The following BACH2 variants were observed in gnomAD, a reference collection of about 807,000 sequenced individuals.
BACH2 encodes the protein BACH transcriptional regulator 2.
A neutral mutation model predicts 61.8 loss-of-function variants in BACH2; 5 were observed. That is an observed-to-expected ratio of 0.08 (90% CI 0.04 to 0.17). The LOEUF (loss-of-function observed/expected upper bound fraction) is 0.17, where lower values mean the gene tolerates loss of function less well. Ranked by LOEUF, BACH2 falls within the 10% of genes least tolerant of loss-of-function variation. The pLI, the probability that BACH2 is intolerant of heterozygous loss-of-function variation, is 1.00. For synonymous variants in BACH2, 446 were observed against 440.1 expected, an observed-to-expected ratio of 1.01 and a Z score of -0.17; for missense variants, 824 against 1,091.1, an observed-to-expected ratio of 0.76 and a Z score of 3.45.
chr6:90,265,402 G>GT (rs1771291939), intron 2 of BACH2, among the ~76,000 whole-genome samples: 2 of 152,234 alleles, frequency 1.3e-5, no homozygotes, highest in South Asian at 2.1e-4. Context: ...ACTTTAGGCT[G>GT]TACAAGTATT....
chr6:90,259,513 G>A (rs1170187368), intron 2 of BACH2, among the ~76,000 whole-genome samples: 1 of 152,218 alleles, frequency 6.6e-6, no homozygotes, highest in Non-Finnish European at 1.5e-5. Context: ...ATTCATCAGA[G>A]AAATTGGGTT....
intron 1 of BACH2, among the ~76,000 whole-genome samples, chr6:90,288,877 C>T (rs527824978): frequency 8.9e-4 from 135 of 152,178 alleles, no homozygotes; most frequent in African/African-American, 3.1e-3. Context: ...AAAAACAAAA[C>T]GCAAAAAACA....
chr6:90,057,241 A>G (rs1161425626), intron 5 of BACH2, among the ~76,000 whole-genome samples: 1 of 152,228 alleles, frequency 6.6e-6, no homozygotes, highest in Non-Finnish European at 1.5e-5. Flanking sequence ...CTAATCAAGA[A>G]GAAAAGAGAG....
At chr6:90,089,575 G>A (rs985306008) in intron 4 of BACH2, among the ~76,000 whole-genome samples, 10 of 152,056 alleles carry the variant, frequency 6.6e-5, no homozygotes, top group Non-Finnish European at 1.3e-4. Flanking sequence ...TGCCTCAAAT[G>A]TGTTTCGTTT....
intron 4 of BACH2, among the ~76,000 whole-genome samples, chr6:90,145,268 TA>T (rs1334721911): frequency 7.9e-5 from 12 of 152,158 alleles, no homozygotes; most frequent in South Asian, 2.1e-4. Context: ...TAAGAGCACT[TA>T]AAAAAATCCA....
At chr6:90,175,792 G>A (rs1051018809) in intron 4 of BACH2, among the ~76,000 whole-genome samples, 4 of 152,002 alleles carry the variant, frequency 2.6e-5, no homozygotes, top group Non-Finnish European at 5.9e-5. Context: ...CAAAGAGCCC[G>A]GCTGGTAGCA....
chr6:89,933,398 G>A (rs552514153), intron 8 of BACH2, among the ~76,000 whole-genome samples: 17 of 152,276 alleles, frequency 1.1e-4, no homozygotes, highest in Admixed American at 3.3e-4. Context: ...TTGAACAGGT[G>A]GAGCACAGAG....
At chr6:89,960,680 G>A (rs1774692043) in intron 6 of BACH2, among the ~76,000 whole-genome samples, 1 of 152,176 alleles carries the variant, frequency 6.6e-6, no homozygotes. Context: ...TTTACCACAT[G>A]GGGATTTGGT....
chr6:89,996,144 A>G (rs1434649234), intron 6 of BACH2, among the ~76,000 whole-genome samples: 1 of 152,190 alleles, frequency 6.6e-6, no homozygotes. Context: ...CCTTAGGCAC[A>G]TGTAAAGCAC....
chr6:90,083,174 T>C (rs1781793142), intron 5 of BACH2, among the ~76,000 whole-genome samples: 1 of 152,164 alleles, frequency 6.6e-6, no homozygotes, highest in South Asian at 2.1e-4. Flanking sequence ...AGAGGCATCA[T>C]TTCACTAGTG....
At chr6:90,049,415 G>A (rs1375943977) in intron 5 of BACH2, among the ~76,000 whole-genome samples, 1 of 152,152 alleles carries the variant, frequency 6.6e-6, no homozygotes, top group Non-Finnish European at 1.5e-5. Flanking sequence ...TCAATGACGC[G>A]AAGAAGAGAG....
intron 4 of BACH2, among the ~76,000 whole-genome samples, chr6:90,109,485 C>T (rs1259217106): frequency 6.6e-6 from 1 of 152,152 alleles, no homozygotes; most frequent in Non-Finnish European, 1.5e-5. Context: ...ACTATACTCA[C>T]TCCCAGGCCT....
intron 5 of BACH2, among the ~76,000 whole-genome samples, chr6:90,010,909 C>A (rs1380624141): frequency 6.6e-6 from 1 of 152,092 alleles, no homozygotes; most frequent in African/African-American, 2.4e-5. Context: ...TATTTAGATT[C>A]TTTGCCCATT....
At chr6:90,103,031 T>TATATATATATA (rs59852999) in intron 4 of BACH2, among the ~76,000 whole-genome samples, 13 of 29,216 alleles carry the variant, frequency 4.4e-4, no homozygotes, top group African/African-American at 1.9e-3. Flanking sequence ...ATATATATAT[T>TATATATATATA]TTTTTTTTTT....
chr6:89,993,664 G>T (rs1403594480), intron 6 of BACH2, among the ~76,000 whole-genome samples: 1 of 152,256 alleles, frequency 6.6e-6, no homozygotes, highest in East Asian at 1.9e-4. Flanking sequence ...ATGATGAAGG[G>T]AAACCACCTC....
rs544251739 is a variant in BACH2 at position 90,261,814 on chromosome 6, A to G, written c.-352-9224T>C. On this transcript the variant is annotated intron_variant, in intron 2 of 8. Coordinates refer to ENST00000257749, the MANE Select transcript of BACH2 (RefSeq NM_021813.4). ...TACTTATATACTGATGAGATCACTC[A>G]TGTAGTCACCCATGTAGTCTCAATA... 2.0e-4 allele frequency among the ~76,000 whole-genome samples: 30 copies of G among 152,224 alleles called. No homozygotes were observed. In the South Asian group the frequency reaches 6.0e-3, roughly 30 times the overall value.
Position 89,950,678 on chromosome 6 carries a change from G to A in BACH2, c.1428C>T (p.Ser476=). 6.2e-7 allele frequency: 1 copy of A among 1,614,182 alleles called. No individual in the cohort carries two copies. Among genetic ancestry groups the A allele is most frequent in the Non-Finnish European group, 8.5e-7 (1 of 1,180,036 alleles). ...GCCCACCGTGGGAGTAGGCCTGCGA[G>A]CTGGGGAGGGACTGGCCGGCTCCCA... ...LWVGAGQSLP[S]SQAYSHGGLM... Residue 476 remains serine, a synonymous_variant, in exon 7 of 9, where the codon AGC becomes AGT. Coordinates refer to ENST00000257749, the MANE Select transcript of BACH2 (RefSeq NM_021813.4). The surrounding 1 kb of genome is among the most constrained non-coding windows in gnomAD (Gnocchi z 5.3).
intron 3 of BACH2, among the ~76,000 whole-genome samples, chr6:90,247,704 T>C (rs79969385): frequency 1.3e-5 from 2 of 152,318 alleles, no homozygotes; most frequent in East Asian, 3.9e-4. Context: ...ATCCACCCTA[T>C]GCTTCAGTTA....
At chr6:89,958,743 G>T (rs898052403) in intron 6 of BACH2, among the ~76,000 whole-genome samples, 1 of 152,118 alleles carries the variant, frequency 6.6e-6, no homozygotes, top group African/African-American at 2.4e-5. Flanking sequence ...GGTAACACTT[G>T]CCAAGTGTTG....
Sources: allele counts gnomAD v4.1 joint callset (sites outside exome capture counted in the v4.1 genomes callset), GRCh38; gene constraint gnomAD v4.1.1; non-coding constraint Gnocchi (gnomAD v3.1); transcripts MANE v1.5; gene names NCBI Gene and HGNC (gene_info 2026-07-23, HGNC 2026-07-21).